HPGD: variants seen among roughly 807,000 people sequenced by gnomAD.
The protein encoded by HPGD is 15-hydroxyprostaglandin dehydrogenase [NAD(+)].
HPGD carries 29 observed loss-of-function variants against 30.0 expected under a neutral mutation model. The observed-to-expected ratio is 0.97, with a 90% CI of 0.72 to 1.32. The LOEUF (loss-of-function observed/expected upper bound fraction) is 1.32. Ranked by LOEUF, HPGD falls within the 40% of genes most tolerant of loss-of-function variation. The pLI is 0.00. For synonymous variants in HPGD, 99 were observed against 112.4 expected (o/e 0.88, Z 0.75); for missense variants, 340 against 322.1 (o/e 1.06, Z -0.43).
At position 174,492,116 on chromosome 4, in the gene HPGD, T is replaced by A. The variant is rs758929166; in HGVS notation, c.663-22A>T. On this transcript the variant is annotated intron_variant, in intron 6 of 6. Transcript: ENST00000296522. The surrounding 1 kb of genome is among the most constrained non-coding windows in gnomAD (Gnocchi z 4.9). The stretch of plus-strand genomic sequence containing the variant: ...TGGGCTAAAAATAAAGAAAACAGTA[T>A]TTTGAAACGAAAGAATGAGGCATAT... The A allele has an allele frequency of 1.9e-6, 3 of 1,605,676 alleles. No individual in the cohort carries two copies. The highest frequency in any genetic ancestry group is 2.6e-6 in the Non-Finnish European group (3 of 1,174,252).
intron 4 of HPGD, among the ~76,000 whole-genome samples, chr4:174,499,468 A>G (rs1359965673): frequency 6.6e-6 from 1 of 152,154 alleles, no homozygotes; most frequent in Non-Finnish European, 1.5e-5. Context: ...TAAAAATAAT[A>G]CTTATTTTTT....
At position 174,493,252 on chromosome 4, in the gene HPGD, G is replaced by C; in HGVS notation, c.561C>G (p.Asn187Lys). ...RLNAICPGFV[N>K]TAILESIEKE... ...TTTCAATTGATTCAAGGATGGCTGT[G>C]TTAACAAAGCCTGGACAAATGGCAT... is the stretch of plus-strand genomic sequence containing the variant. The change falls in exon 6 of 7, where the codon AAC becomes AAG. Residue 187 changes from asparagine to lysine, a missense_variant. Asn to Lys is a moderately conservative substitution (Grantham distance 94). Coordinates refer to ENST00000296522, the MANE Select transcript of HPGD (RefSeq NM_000860.6). 6.2e-7 allele frequency: 1 copy of C among 1,613,248 alleles called. No individual in the cohort carries two copies. Among genetic ancestry groups the C allele is most frequent in the Non-Finnish European group, 8.5e-7 (1 of 1,179,442 alleles).
chr4:174,493,667 T>C (rs1234754518), intron 5 of HPGD, among the ~76,000 whole-genome samples: 2 of 152,200 alleles, frequency 1.3e-5, no homozygotes, highest in African/African-American at 4.8e-5. Flanking sequence ...GGTGGTTGTA[T>C]AACAAATAAT....
intron 4 of HPGD, among the ~76,000 whole-genome samples, chr4:174,499,182 T>G (rs1478754558): frequency 6.6e-6 from 1 of 152,172 alleles, no homozygotes; most frequent in Non-Finnish European, 1.5e-5. Flanking sequence ...GGTATGACTC[T>G]GGAGACACAA....
Position 174,493,283 on chromosome 4 carries a change from C to T in HPGD, c.530G>A (p.Arg177Lys). Reference protein sequence around the residue: ...LAANLMNSGVRLNAICPGFVN... With the variant: ...LAANLMNSGVKLNAICPGFVN... ...AAAGCCTGGACAAATGGCATTCAGT[C>T]TCACACCACTGTTCATAAGATTAGC... The change falls in exon 6 of 7, where the codon AGA (arginine) becomes AAA (lysine). Residue 177 changes from arginine to lysine, a missense_variant. Arg to Lys is a conservative substitution (Grantham distance 26, BLOSUM62 2). Transcript: ENST00000296522. The T allele has an allele frequency of 6.2e-7, 1 of 1,613,188 alleles. No individual in the cohort carries two copies. The highest frequency in any genetic ancestry group is 8.5e-7 in the Non-Finnish European group (1 of 1,179,340).
At chr4:174,493,118 C>T (rs1213421820) in intron 6 of HPGD, 33 bp downstream of exon 6, 3 of 1,491,362 alleles carry the variant, frequency 2.0e-6, no homozygotes, top group Non-Finnish European at 2.8e-6. Flanking sequence ...TTTGCTTCAT[C>T]ATTTAAAAGA....
At chr4:174,514,896 A>C (rs1457888700) in intron 3 of HPGD, among the ~76,000 whole-genome samples, 2 of 152,148 alleles carry the variant, frequency 1.3e-5, no homozygotes, top group Admixed American at 6.5e-5. Context: ...AGGCAAATCA[A>C]GAATGCAATC....
chr4:174,501,251 G>T (rs914836197), intron 4 of HPGD, among the ~76,000 whole-genome samples: 4 of 152,032 alleles, frequency 2.6e-5, no homozygotes, highest in Middle Eastern at 3.4e-3. Context: ...ACTAATATGG[G>T]TTTTTTTTAA....
At chr4:174,512,589 A>G (rs1735564812) in intron 3 of HPGD, among the ~76,000 whole-genome samples, 1 of 152,176 alleles carries the variant, frequency 6.6e-6, no homozygotes, top group South Asian at 2.1e-4. Context: ...ACACACAAAT[A>G]TTTGCATTAC....
rs1430413725 is a variant in HPGD at position 174,492,823 on chromosome 4, C to T, written c.662+328G>A. 6.6e-6 allele frequency among the ~76,000 whole-genome samples: 1 copy of T among 151,976 alleles called. No individual in the cohort carries two copies. The highest frequency in any genetic ancestry group is 1.9e-4 in the East Asian group (1 of 5,176). The stretch of plus-strand genomic sequence containing the variant: ...AAGTGGTTGAAGTCATGGAAACTTG[C>T]AATATTTCACAGACTATATTTGAAT... On this transcript the variant is annotated intron_variant, in intron 6 of 6. Transcript: ENST00000296522. The surrounding 1 kb of genome is among the most constrained non-coding windows in gnomAD (Gnocchi z 4.9).
At chr4:174,521,040 C>T (rs1314166623) in intron 2 of HPGD, among the ~76,000 whole-genome samples, 1 of 152,100 alleles carries the variant, frequency 6.6e-6, no homozygotes, top group Non-Finnish European at 1.5e-5. Flanking sequence ...CCTTTAAGAA[C>T]AGGAGCACTG....
intron 4 of HPGD, among the ~76,000 whole-genome samples, chr4:174,503,280 T>C (rs1244471333): frequency 2.0e-5 from 3 of 152,148 alleles, no homozygotes; most frequent in Non-Finnish European, 4.4e-5. Flanking sequence ...TGAGCACTTA[T>C]GAATCACAGC....
At chr4:174,516,544 C>T (rs1433654409) in intron 3 of HPGD, among the ~76,000 whole-genome samples, 4 of 152,106 alleles carry the variant, frequency 2.6e-5, no homozygotes, top group African/African-American at 4.8e-5. Flanking sequence ...GCTATGACCA[C>T]TATCTGGGTG....
At chr4:174,511,151 A>G (rs939104167) in intron 3 of HPGD, among the ~76,000 whole-genome samples, 1 of 152,114 alleles carries the variant, frequency 6.6e-6, no homozygotes, top group East Asian at 1.9e-4. Flanking sequence ...CTGGATTCTA[A>G]TTTTGACTAA....
intron 4 of HPGD, chr4:174,507,568 C>G (rs1024160255): frequency 1.3e-5 from 2 of 152,132 alleles, no homozygotes; most frequent in African/African-American, 4.8e-5. Flanking sequence ...GCTGAAATTT[C>G]TATTCTGAAA....
At chr4:174,497,622 G>T (rs1172031473) in intron 4 of HPGD, among the ~76,000 whole-genome samples, 4 of 108,810 alleles carry the variant, frequency 3.7e-5, no homozygotes, top group Non-Finnish European at 6.8e-5. Flanking sequence ...TCTATCAACA[G>T]ACTGGAGTGC....
At chr4:174,502,647 C>G (rs996860800) in intron 4 of HPGD, among the ~76,000 whole-genome samples, 1 of 143,150 alleles carries the variant, frequency 7.0e-6, no homozygotes, top group African/African-American at 2.7e-5. Flanking sequence ...CACCGCACTC[C>G]AGCCTGGGCG....
At chr4:174,515,161 A>G (rs1275435353) in intron 3 of HPGD, among the ~76,000 whole-genome samples, 1 of 152,220 alleles carries the variant, frequency 6.6e-6, no homozygotes, top group Non-Finnish European at 1.5e-5. Flanking sequence ...ATTAAAAAAA[A>G]CAATTTTCAA....
intron 4 of HPGD, among the ~76,000 whole-genome samples, chr4:174,500,315 G>A (rs948688149): frequency 1.6e-4 from 24 of 152,196 alleles, no homozygotes; most frequent in African/African-American, 5.8e-4. Flanking sequence ...TGGTGCGAAT[G>A]CAAAATGGCA....
Sources: gnomAD v4.1 joint callset for allele counts (sites outside exome capture counted in the v4.1 genomes callset) on GRCh38, gnomAD v4.1.1 for gene constraint, Gnocchi (gnomAD v3.1) non-coding constraint, MANE v1.5 for transcripts, NCBI Gene and HGNC (gene_info 2026-07-23, HGNC 2026-07-21) for gene names.